CUTC: variants seen among roughly 807,000 people sequenced by gnomAD.
CUTC encodes cutC copper transporter.
A neutral mutation model predicts 36.2 loss-of-function variants in CUTC; 27 were observed. That is an observed-to-expected ratio of 0.75 (90% CI 0.55 to 1.03). The LOEUF is 1.03. Among genes scored for constraint, CUTC ranks in the 50% least tolerant of loss-of-function variants. The probability of loss-of-function intolerance (pLI) is 0.00; values close to 1 mark genes in which losing one functional copy is unlikely to be tolerated. For missense variants in CUTC, 315 were observed against 343.5 expected, an observed-to-expected ratio of 0.92 and a Z score of 0.66; for synonymous variants, 114 against 118.3, an observed-to-expected ratio of 0.96 and a Z score of 0.24.
chr10:99,735,190 G>C (rs1174113591), intron 1 of CUTC, among the ~76,000 whole-genome samples: 4 of 150,996 alleles, frequency 2.6e-5, no homozygotes, highest in Admixed American at 2.6e-4. Context: ...ATAATAAAAG[G>C]TAGAAAGTAA....
At chr10:99,743,911 A>T (rs2037359008) in intron 4 of CUTC, 126 bp from the exon 5 acceptor site, 1 of 608,386 alleles carries the variant, frequency 1.6e-6, no homozygotes, top group South Asian at 2.5e-5. Flanking sequence ...TTTTATTATT[A>T]TGTCAGTTTA....
In CUTC at chr10:99,754,652, G is replaced by A. The variant is rs779839021; in HGVS notation, c.707+18G>A. 18 of 1,535,414 alleles carry A rather than the reference G, an allele frequency of 1.2e-5. No individual in the cohort carries two copies. The highest frequency in any genetic ancestry group is 5.5e-5 in the African/African-American group (4 of 73,070). On this transcript the variant is annotated intron_variant, in intron 8 of 8. Coordinates refer to ENST00000370476, the MANE Select transcript of CUTC (RefSeq NM_015960.3). ...AAGTTTCGGTAAAAATGTATTCTTC[G>A]ATTCAAATAAGAAGGATGAGATTAA...
In CUTC at chr10:99,736,275, T is replaced by C. The variant is rs755319664; in HGVS notation, c.91T>C (p.Cys31Arg). ...AGCAAATGGATTTCTCATGGAAGTT[T>C]GTGTTGATTCAGTGGAATCAGCTGT... ...GAANGFLMEV[C>R]VDSVESAVNA... The change falls in exon 2 of 9, where the codon TGT (cysteine) becomes CGT (arginine). Residue 31 changes from cysteine (C) to arginine (R), a missense_variant. Physicochemically the swap from Cys to Arg is radical, Grantham distance 180 (BLOSUM62 -3). Transcript: ENST00000370476. The C allele has an allele frequency of 3.1e-6, 5 of 1,613,972 alleles. No individual in the cohort carries two copies. The South Asian group carries it at 5.5e-5, about 18-fold the overall frequency.
intron 3 of CUTC, among the ~76,000 whole-genome samples, chr10:99,742,690 C>CT (rs1412923743): frequency 6.0e-5 from 9 of 150,722 alleles, no homozygotes; most frequent in African/African-American, 1.7e-4. Flanking sequence ...ACTTTGCTCC[C>CT]TTTCACGTAT....
chr10:99,751,871 AG>A (rs1181455008), intron 7 of CUTC, among the ~76,000 whole-genome samples: 1 of 152,184 alleles, frequency 6.6e-6, no homozygotes, highest in Admixed American at 6.5e-5. Context: ...ATAAAATAAA[AG>A]TTTGGATCAC....
rs1365920683 is a variant in CUTC at position 99,754,495 on chromosome 10, T to C, written c.602-34T>C. The C allele has an allele frequency of 2.9e-6, 4 of 1,366,476 alleles. No individual in the cohort carries two copies. In the South Asian group the frequency reaches 3.6e-5, roughly 12 times the overall value. 84.6% of individuals were successfully genotyped at this position (1,366,476 alleles called of 1,614,324 possible). ...TCCTTAAATTTTATGCAAAATTCTA[T>C]TTTACTTAATGTGTTACTTATTCTT... On this transcript the variant is annotated intron_variant, in intron 7 of 8. Coordinates refer to ENST00000370476, the MANE Select transcript of CUTC (RefSeq NM_015960.3).
intron 6 of CUTC, among the ~76,000 whole-genome samples, chr10:99,749,590 T>C (rs1034746478): frequency 6.6e-6 from 1 of 152,008 alleles, no homozygotes; most frequent in African/African-American, 2.4e-5. Context: ...CAGGCAAATA[T>C]GACTTTTTTC....
chr10:99,746,288 C>T (rs2037377111), intron 5 of CUTC, among the ~76,000 whole-genome samples: 1 of 152,106 alleles, frequency 6.6e-6, no homozygotes, highest in African/African-American at 2.4e-5. Flanking sequence ...CATGTTCTCA[C>T]TCATAAGTGG....
intron 5 of CUTC, among the ~76,000 whole-genome samples, chr10:99,746,626 A>G (rs11190263): frequency 0.41 from 62,707 of 151,850 alleles, 13,142 homozygotes; most frequent in East Asian, 0.61. Flanking sequence ...AATGTGTACC[A>G]TTATTAAAAT....
intron 1 of CUTC, chr10:99,732,682 C>G: frequency 7.6e-6 from 10 of 1,309,608 alleles, no homozygotes; most frequent in African/African-American, 1.5e-5. Context: ...TGGTTAACTT[C>G]AGCTTCACGT....
intron 3 of CUTC, 29 bp downstream of exon 3, chr10:99,739,798 G>C (rs1299596502): frequency 1.9e-6 from 3 of 1,595,290 alleles, no homozygotes. Flanking sequence ...CAGGTTTTCT[G>C]ATTGGAGTTC....
intron 8 of CUTC, 48 bp downstream of exon 8, chr10:99,754,682 T>C (rs1370235204): frequency 7.2e-7 from 1 of 1,383,486 alleles, no homozygotes. Flanking sequence ...GATTAATTTT[T>C]ACTTTCTCCC....
chr10:99,734,974 T>A (rs1286618174), intron 1 of CUTC, among the ~76,000 whole-genome samples: 1 of 151,750 alleles, frequency 6.6e-6, no homozygotes. Context: ...TTGTGGCACA[T>A]ACCTGTAGTC....
intron 6 of CUTC, 21 bp from the exon 7 acceptor site, chr10:99,750,348 T>G (rs756427470): frequency 4.1e-6 from 5 of 1,221,412 alleles, no homozygotes; most frequent in East Asian, 2.9e-5. Context: ...AATTCACTTG[T>G]TTTTTTTTTT....
intron 3 of CUTC, among the ~76,000 whole-genome samples, chr10:99,742,590 A>G (rs1259684322): frequency 1.3e-5 from 2 of 152,110 alleles, no homozygotes; most frequent in African/African-American, 4.8e-5. Flanking sequence ...ACAGCCTTAT[A>G]CTATTGATGG....
intron 1 of CUTC, chr10:99,732,623 G>A: frequency 7.0e-7 from 1 of 1,421,182 alleles, no homozygotes. Context: ...TGGAGCCAAG[G>A]TTCGAGTCCC....
chr10:99,743,055 C>T, intron 3 of CUTC, 98 bp from the exon 4 acceptor site: 2 of 1,143,674 alleles, frequency 1.7e-6, no homozygotes, highest in Non-Finnish European at 2.6e-6. Context: ...CAGTGTCTGT[C>T]CTACCTTTTA....
At position 99,755,773 on chromosome 10, in the gene CUTC, A is replaced by G; in HGVS notation, c.*34A>G. 1 of 1,339,896 alleles carries G rather than the reference A, an allele frequency of 7.5e-7. No homozygotes were observed. The highest frequency in any genetic ancestry group is 1.1e-6 in the Non-Finnish European group (1 of 932,976). The allele number at this position is 1,339,896 out of a possible 1,614,324, so 83.0% of individuals were successfully genotyped here. On this transcript the variant is annotated 3_prime_UTR_variant, in exon 9 of 9. Coordinates refer to ENST00000370476, the MANE Select transcript of CUTC (RefSeq NM_015960.3). ...CTCTGAGAGACATGGATATCACAGGATGAAGGTAGAACTATAATCTGCAAT... is the reference window on the plus strand; with the variant it reads ...CTCTGAGAGACATGGATATCACAGGGTGAAGGTAGAACTATAATCTGCAAT...
intron 7 of CUTC, among the ~76,000 whole-genome samples, chr10:99,750,903 A>G (rs978567533): frequency 6.6e-6 from 1 of 152,218 alleles, no homozygotes; most frequent in African/African-American, 2.4e-5. Context: ...GATGATAACC[A>G]TAAGATCAGT....
Sources: gnomAD v4.1 joint callset for allele counts (sites outside exome capture counted in the v4.1 genomes callset) on GRCh38, gnomAD v4.1.1 for gene constraint, MANE v1.5 for transcripts, NCBI Gene and HGNC (gene_info 2026-07-23, HGNC 2026-07-21) for gene names.